ZFYVE9: variants seen among roughly 807,000 people sequenced by gnomAD.
The protein encoded by ZFYVE9 is zinc finger FYVE-type containing 9, also known as zinc finger FYVE domain-containing protein 9.
Under a neutral mutation model 126.7 loss-of-function variants are expected in ZFYVE9, and 43 were observed. The ratio of observed to expected loss-of-function variants is 0.34; its 90% CI spans 0.27 to 0.44. The LOEUF is 0.44. Among genes scored for constraint, ZFYVE9 ranks in the 20% least tolerant of loss-of-function variants. ZFYVE9 has a pLI of 1.00. For synonymous variants in ZFYVE9, 521 were observed against 597.4 expected (o/e 0.87, Z 1.87); for missense variants, 1,476 against 1,697.0 (o/e 0.87, Z 2.29).
intron 2 of ZFYVE9, among the ~76,000 whole-genome samples, chr1:52,219,498 C>G (rs1029262037): frequency 7.2e-5 from 11 of 151,736 alleles, no homozygotes; most frequent in African/African-American, 2.7e-4. Context: ...AGATAAGGTC[C>G]TTCCCAGGTT....
intron 4 of ZFYVE9, among the ~76,000 whole-genome samples, chr1:52,255,949 TTTTCTTTTCTTTTC>T (rs1557484124): frequency 8.5e-6 from 1 of 118,274 alleles, no homozygotes; most frequent in Non-Finnish European, 1.6e-5. Flanking sequence ...TTTTCTTTTC[TTTTCTTTTCTTTTC>T]TTTTCTTTCT....
At chr1:52,158,612 C>T (rs951939939) in intron 1 of ZFYVE9, among the ~76,000 whole-genome samples, 11 of 152,164 alleles carry the variant, frequency 7.2e-5, no homozygotes, top group Admixed American at 3.3e-4. Flanking sequence ...ATTCAGCCAC[C>T]GTGAAGCAGT....
intron 9 of ZFYVE9, 97 bp downstream of exon 9, chr1:52,278,711 A>C: frequency 1.2e-6 from 1 of 806,956 alleles, no homozygotes; most frequent in Non-Finnish European, 1.9e-6. Context: ...TTTTATATAG[A>C]GCCACATCTT....
At chr1:52,178,432 A>G (rs905042379) in intron 1 of ZFYVE9, among the ~76,000 whole-genome samples, 2 of 151,714 alleles carry the variant, frequency 1.3e-5, no homozygotes, top group Admixed American at 6.6e-5. Flanking sequence ...CCTGGATTCA[A>G]GTGATTCTCT....
intron 13 of ZFYVE9, among the ~76,000 whole-genome samples, chr1:52,324,459 A>G (rs902360727): frequency 5.3e-5 from 8 of 152,158 alleles, no homozygotes; most frequent in African/African-American, 1.9e-4. Context: ...CACCTTTTCC[A>G]TCGTTCTTCA....
chr1:52,266,706 AC>A lies in ZFYVE9; in HGVS notation c.2331del (p.Asn777LysfsTer22). Reference sequence around the variant, plus strand: ...GCCTCAAGCCAGAGCCCTAACCCTAACAATCCTGCTGAATACTGTTCTACTA... The same window carrying A: ...GCCTCAAGCCAGAGCCCTAACCCTAAAATCCTGCTGAATACTGTTCTACTA... ...MSASSQSPNPNNPAEYCSTIP... is the reference protein window; with the variant it reads ...MSASSQSPNPXNPAEYCSTIP... On this transcript the variant is annotated frameshift_variant, in exon 6 of 19. Transcript: ENST00000287727. LOFTEE classifies it high-confidence loss of function. 1 of 1,610,994 alleles carries A rather than the reference AC, an allele frequency of 6.2e-7. No individual in the cohort carries two copies. The highest frequency in any genetic ancestry group is 8.5e-7 in the Non-Finnish European group (1 of 1,178,694).
chr1:52,335,723 T>C (rs1646382342), intron 15 of ZFYVE9, among the ~76,000 whole-genome samples: 1 of 152,202 alleles, frequency 6.6e-6, no homozygotes, highest in South Asian at 2.1e-4. Flanking sequence ...AATGGGAAGA[T>C]AGCATTGTAG....
rs1335535571 is a variant in ZFYVE9 at position 52,238,204 on chromosome 1, A to G, written c.787A>G (p.Ser263Gly). ...AGACCCCTCCATGTCTGCGATTACAAGTTTAACGGTTGATTCAGTAATCTC... is the reference window on the plus strand; with the variant it reads ...AGACCCCTCCATGTCTGCGATTACAGGTTTAACGGTTGATTCAGTAATCTC... ...GRDPSMSAIT[S>G]LTVDSVISSQ... The change falls in exon 4 of 19, where the codon AGT becomes GGT. Residue 263 changes from serine to glycine, a missense_variant. This residue lies in a region of ZFYVE9 where 807 missense variants were observed against 794.6 expected (regional missense o/e 1.02). Coordinates refer to ENST00000287727, the MANE Select transcript of ZFYVE9 (RefSeq NM_004799.4). The G allele has an allele frequency of 2.5e-6, 4 of 1,613,984 alleles. No individual in the cohort carries two copies. Among genetic ancestry groups the G allele is most frequent in the East Asian group, 2.2e-5 (1 of 44,896 alleles).
intron 4 of ZFYVE9, among the ~76,000 whole-genome samples, chr1:52,248,514 C>T (rs935622958): frequency 5.9e-5 from 9 of 152,174 alleles, no homozygotes; most frequent in African/African-American, 2.2e-4. Flanking sequence ...CAGAGACACC[C>T]AGAAACAATA....
At chr1:52,328,737 A>C (rs1389483798) in intron 13 of ZFYVE9, among the ~76,000 whole-genome samples, 1 of 152,194 alleles carries the variant, frequency 6.6e-6, no homozygotes. Context: ...ATGAGAACCT[A>C]AATGTGTCTG....
chr1:52,248,810 G>C (rs550413895), intron 4 of ZFYVE9, among the ~76,000 whole-genome samples: 21 of 152,152 alleles, frequency 1.4e-4, no homozygotes, highest in Non-Finnish European at 2.4e-4. Context: ...TTATATGGTA[G>C]TCCTGTGTTT....
At chr1:52,280,417 GTA>G (rs1237444030) in intron 9 of ZFYVE9, among the ~76,000 whole-genome samples, 1 of 151,666 alleles carries the variant, frequency 6.6e-6, no homozygotes, top group Non-Finnish European at 1.5e-5. Context: ...GATTCTTGAA[GTA>G]TATACCATCA....
chr1:52,263,395 T>C (rs768730705), intron 4 of ZFYVE9, among the ~76,000 whole-genome samples: 2 of 152,226 alleles, frequency 1.3e-5, no homozygotes, highest in African/African-American at 2.4e-5. Context: ...GTTTATTTCA[T>C]CCTGCTATAA....
At chr1:52,158,145 TGA>T (rs2124506566) in intron 1 of ZFYVE9, among the ~76,000 whole-genome samples, 1 of 152,350 alleles carries the variant, frequency 6.6e-6, no homozygotes, top group Admixed American at 6.5e-5. Flanking sequence ...TCTCATATCC[TGA>T]GACAGCCCCT....
intron 4 of ZFYVE9, among the ~76,000 whole-genome samples, chr1:52,261,025 A>G (rs1274942598): frequency 3.3e-5 from 5 of 151,776 alleles, no homozygotes; most frequent in Non-Finnish European, 5.9e-5. Context: ...TTCCTCTACT[A>G]TTACTGTCTC....
At chr1:52,286,911 CA>C (rs1645867199) in intron 10 of ZFYVE9, among the ~76,000 whole-genome samples, 1 of 151,986 alleles carries the variant, frequency 6.6e-6, no homozygotes, top group African/African-American at 2.4e-5. Context: ...GATGATTTTC[CA>C]TTTCATTACC....
chr1:52,340,053 G>A, intron 16 of ZFYVE9, 73 bp from the exon 17 acceptor site: 2 of 1,271,008 alleles, frequency 1.6e-6, no homozygotes, highest in Non-Finnish European at 2.3e-6. Context: ...GACTTCTGCA[G>A]CAAAACGTGA....
At chr1:52,331,970 C>T (rs575707416) in intron 13 of ZFYVE9, among the ~76,000 whole-genome samples, 13 of 151,480 alleles carry the variant, frequency 8.6e-5, no homozygotes, top group African/African-American at 2.2e-4. Context: ...TTAGTAGAGA[C>T]GGGGTTTCAC....
At chr1:52,219,802 T>TGG (rs1553126052) in intron 2 of ZFYVE9, among the ~76,000 whole-genome samples, 12 of 131,146 alleles carry the variant, frequency 9.2e-5, no homozygotes, top group East Asian at 2.3e-4. Flanking sequence ...TGTGTGTGTG[T>TGG]GGCAGAGTCT....
Sources: allele counts gnomAD v4.1 joint callset (sites outside exome capture counted in the v4.1 genomes callset), GRCh38; gene constraint gnomAD v4.1.1; regional missense constraint gnomAD v4.1.1; transcripts MANE v1.5; gene names NCBI Gene and HGNC (gene_info 2026-07-23, HGNC 2026-07-21).